Variants in SLC10A6 observed in about 807,000 individuals in gnomAD.
SLC10A6 encodes the protein sodium-dependent organic anion transporter.
In SLC10A6, 27 loss-of-function variants were observed where a neutral mutation model predicts 30.0. That is an observed-to-expected ratio of 0.90 (90% CI 0.66 to 1.24). SLC10A6 has a LOEUF of 1.24. Ranked by LOEUF, SLC10A6 falls within the 50% of genes most tolerant of loss-of-function variation. SLC10A6 has a pLI of 0.00. For synonymous variants in SLC10A6, 166 were observed against 173.8 expected (o/e 0.95, Z 0.36); for missense variants, 439 against 457.0 (o/e 0.96, Z 0.36).
chr4:86,846,582 C>T (rs1382274889), intron 1 of SLC10A6, among the ~76,000 whole-genome samples: 2 of 152,094 alleles, frequency 1.3e-5, no homozygotes, highest in African/African-American at 2.4e-5. Context: ...TAGCCAGGCA[C>T]GGTGGTGGGT....
At chr4:86,848,637 A>G in intron 1 of SLC10A6, 102 bp downstream of exon 1, 2 of 1,383,608 alleles carry the variant, frequency 1.4e-6, no homozygotes, top group Non-Finnish European at 2.0e-6. Context: ...TCCCACTAGA[A>G]TCTCTACCAA....
intron 1 of SLC10A6, among the ~76,000 whole-genome samples, chr4:86,842,886 G>T (rs1461439076): frequency 7.1e-5 from 5 of 70,774 alleles, no homozygotes; most frequent in South Asian, 5.2e-4. Context: ...TTTTTTTTTT[G>T]AGATGGAGTC....
rs757772118 is a variant in SLC10A6 at position 86,842,786 on chromosome 4, TTTTCTTTC to T, written c.377+5945_377+5952del. Among the ~76,000 whole-genome samples, 765 of 106,638 alleles carry T rather than the reference TTTTCTTTC, an allele frequency of 7.2e-3. 19 individuals carry two copies. Among genetic ancestry groups the T allele is most frequent in the Middle Eastern group, 0.014 (3 of 208 alleles). The allele number at this position is 106,638 out of a possible 152,430, so 70.0% of individuals were successfully genotyped here. On this transcript the variant is annotated intron_variant, in intron 1 of 5. Coordinates refer to ENST00000273905, the MANE Select transcript of SLC10A6 (RefSeq NM_197965.3). ...AGTTGCATCAATAAATGGACACCTC[TTTTCTTTC>T]TTTCTTTCTTTCTTTCTTTCTTTCT... is the stretch of plus-strand genomic sequence containing the variant.
intron 1 of SLC10A6, among the ~76,000 whole-genome samples, chr4:86,843,626 G>A (rs901527679): frequency 2.0e-5 from 3 of 152,054 alleles, no homozygotes; most frequent in Admixed American, 6.6e-5. Flanking sequence ...TCAATTGTCC[G>A]TTGATGGATG....
rs1578758999 is a variant in SLC10A6, at chr4:86,840,050, C to G, written c.378-6626G>C. On this transcript the variant is annotated intron_variant, in intron 1 of 5. Transcript: ENST00000273905. ...CCAGCCTCTGGAATAGGTGGGATTA[C>G]AGGTACCCGCCACCACACCAGGCTA... Among the ~76,000 whole-genome samples, 7 of 151,732 alleles carry G rather than the reference C, an allele frequency of 4.6e-5. No homozygotes were observed. The South Asian group carries it at 1.5e-3, about 32-fold the overall frequency.
chr4:86,825,522 T>C lies in SLC10A6; in HGVS notation c.817A>G (p.Met273Val), dbSNP rs1455891355. 2 of 1,612,642 alleles carry C rather than the reference T, an allele frequency of 1.2e-6. No homozygotes were observed. Among genetic ancestry groups the C allele is most frequent in the African/African-American group, 2.7e-5 (2 of 74,908 alleles). The change falls in exon 5 of 6, where the codon ATG becomes GTG. Residue 273 changes from methionine to valine, a missense_variant. By Grantham distance (21) the Met-to-Val change is conservative (BLOSUM62 1). Transcript: ENST00000273905. Reference protein sequence around the residue: ...GAQNIQMCITMLQLSFTAEHL... With the variant: ...GAQNIQMCITVLQLSFTAEHL... ...TCAGCAGTGAAAGATAACTGGAGCATGGTGATGCACATCTGAATATTCTGA... is the reference window on the plus strand; with the variant it reads ...TCAGCAGTGAAAGATAACTGGAGCACGGTGATGCACATCTGAATATTCTGA...
intron 1 of SLC10A6, 120 bp downstream of exon 1, chr4:86,848,619 G>C (rs1746431796): frequency 1.5e-6 from 2 of 1,298,372 alleles, no homozygotes; most frequent in Non-Finnish European, 1.1e-6. Context: ...TGTGATATTT[G>C]TAACATTTCC....
At chr4:86,836,238 G>A (rs755541837) in intron 1 of SLC10A6, among the ~76,000 whole-genome samples, 7 of 152,178 alleles carry the variant, frequency 4.6e-5, no homozygotes, top group East Asian at 3.8e-4. Flanking sequence ...CATTTTAAGC[G>A]CAATGGTTCT....
intron 4 of SLC10A6, 120 bp from the exon 5 acceptor site, chr4:86,825,697 A>C: frequency 1.9e-6 from 2 of 1,074,332 alleles, no homozygotes; most frequent in Non-Finnish European, 2.6e-6. Context: ...ATGTGTACTC[A>C]TTCCATAGTT....
In SLC10A6 at chr4:86,823,657, G is replaced by T. The variant is rs755451413; in HGVS notation, c.*31C>A. On this transcript the variant is annotated 3_prime_UTR_variant, in exon 6 of 6. Transcript: ENST00000273905. ...ACTGTCTTTACTGGCCACTGAAAAA[G>T]AAGGGGGCCAGTCCAGCCAGCTAGT... 5.2e-6 allele frequency: 8 copies of T among 1,536,966 alleles called. No individual in the cohort carries two copies. The highest frequency in any genetic ancestry group is 7.0e-6 in the Non-Finnish European group (8 of 1,140,694).
chr4:86,847,948 A>G (rs1746420078), intron 1 of SLC10A6, among the ~76,000 whole-genome samples: 1 of 152,092 alleles, frequency 6.6e-6, no homozygotes, highest in African/African-American at 2.4e-5. Context: ...CTTTCCTCAA[A>G]TGCTCTTTTT....
chr4:86,823,577 G>T lies in SLC10A6; in HGVS notation c.*111C>A. 1 of 791,030 alleles carries T rather than the reference G, an allele frequency of 1.3e-6. No homozygotes were observed. Among genetic ancestry groups the T allele is most frequent in the Non-Finnish European group, 1.9e-6 (1 of 512,924 alleles). 49.0% of individuals were successfully genotyped at this position (791,030 alleles called of 1,614,324 possible). ...ATGAAAATATAAATATTCTAACATT[G>T]AACACTTAAATATTCACACTGGCCC... On this transcript the variant is annotated 3_prime_UTR_variant, in exon 6 of 6. Coordinates refer to ENST00000273905, the MANE Select transcript of SLC10A6 (RefSeq NM_197965.3).
chr4:86,848,145 A>C (rs1256252227), intron 1 of SLC10A6, among the ~76,000 whole-genome samples: 1 of 152,232 alleles, frequency 6.6e-6, no homozygotes, highest in Non-Finnish European at 1.5e-5. Flanking sequence ...CAAAGCAACA[A>C]GAAAGAACAA....
At chr4:86,843,622 G>C (rs1392861497) in intron 1 of SLC10A6, among the ~76,000 whole-genome samples, 1 of 152,078 alleles carries the variant, frequency 6.6e-6, no homozygotes, top group African/African-American at 2.4e-5. Context: ...TAATTCAATT[G>C]TCCGTTGATG....
intron 1 of SLC10A6, among the ~76,000 whole-genome samples, chr4:86,835,570 G>A (rs1243706437): frequency 6.6e-6 from 1 of 152,074 alleles, no homozygotes; most frequent in African/African-American, 2.4e-5. Flanking sequence ...GGTAGGCTAA[G>A]GCAGGAGAAT....
chr4:86,833,595 C>T (rs1019290181), intron 1 of SLC10A6, among the ~76,000 whole-genome samples, 171 bp from the exon 2 acceptor site: 1 of 152,168 alleles, frequency 6.6e-6, no homozygotes, highest in Non-Finnish European at 1.5e-5. Context: ...TTCTGGTCTA[C>T]AAAGAGATTT....
rs779569277 is a variant in SLC10A6, at chr4:86,828,166, A to C, written c.588T>G (p.Ile196Met). 17 of 1,609,628 alleles carry C rather than the reference A, an allele frequency of 1.1e-5. No individual in the cohort carries two copies. Among genetic ancestry groups the C allele is most frequent in the African/African-American group, 1.3e-5 (1 of 74,518 alleles). Reference protein sequence around the residue: ...WPKQSKIILKIGAVVGGVLLL... With the variant: ...WPKQSKIILKMGAVVGGVLLL... ...GGAGGACCCCACCAACAACGGCCCC[A>C]ATCTGAAGCAAACAATAAAATAAGT... Residue 196 changes from isoleucine to methionine, a missense_variant and splice_region_variant, in exon 4 of 6, where the codon ATT becomes ATG. Ile to Met is a conservative substitution (Grantham distance 10, BLOSUM62 1). Coordinates refer to ENST00000273905, the MANE Select transcript of SLC10A6 (RefSeq NM_197965.3).
intron 1 of SLC10A6, among the ~76,000 whole-genome samples, chr4:86,840,798 C>T (rs149418657): frequency 6.6e-6 from 1 of 152,136 alleles, no homozygotes; most frequent in East Asian, 1.9e-4. Flanking sequence ...TTACAGTGTT[C>T]TCATATATGG....
intron 1 of SLC10A6, among the ~76,000 whole-genome samples, chr4:86,841,002 CCA>C (rs1441056502): frequency 6.6e-6 from 1 of 152,196 alleles, no homozygotes; most frequent in East Asian, 1.9e-4. Flanking sequence ...ACCTCTGTAT[CCA>C]CAAAGAGGCT....
Sources: allele counts gnomAD v4.1 joint callset (sites outside exome capture counted in the v4.1 genomes callset), GRCh38; gene constraint gnomAD v4.1.1; transcripts MANE v1.5; gene names NCBI Gene and HGNC (gene_info 2026-07-23, HGNC 2026-07-21).